Variants in NR6A1 observed in about 807,000 individuals in gnomAD.
NR6A1 encodes retinoic acid receptor-related testis-associated receptor.
A neutral mutation model predicts 59.1 loss-of-function variants in NR6A1; 7 were observed. The ratio of observed to expected loss-of-function variants is 0.12; its 90% confidence interval spans 0.07 to 0.22. The LOEUF is 0.22. Ranked by LOEUF, NR6A1 falls within the 10% of genes least tolerant of loss-of-function variation. NR6A1 has a pLI of 1.00. For missense variants in NR6A1, 468 were observed against 611.6 expected, an observed-to-expected ratio of 0.77 and a Z score of 2.48; for synonymous variants, 243 against 236.1, an observed-to-expected ratio of 1.03 and a Z score of -0.27.
intron 2 of NR6A1, among the ~76,000 whole-genome samples, chr9:124,658,300 G>A (rs944974152): frequency 1.3e-5 from 2 of 152,012 alleles, no homozygotes; most frequent in African/African-American, 4.8e-5. Context: ...CACCGATCAG[G>A]GCACAGCCCA....
At chr9:124,589,396 A>C (rs760102620) in intron 2 of NR6A1, among the ~76,000 whole-genome samples, 4 of 152,352 alleles carry the variant, frequency 2.6e-5, no homozygotes, top group Non-Finnish European at 4.4e-5. Flanking sequence ...CAGTGAGCCG[A>C]GATAGCACCA....
chr9:124,642,494 T>A (rs1836793813), intron 2 of NR6A1, among the ~76,000 whole-genome samples: 1 of 152,258 alleles, frequency 6.6e-6, no homozygotes. Context: ...TAATTTTTTT[T>A]AATGGGCAAC....
chr9:124,675,404 G>A (rs138170332), intron 2 of NR6A1, among the ~76,000 whole-genome samples: 51 of 152,302 alleles, frequency 3.3e-4, no homozygotes, highest in African/African-American at 1.2e-3. Context: ...CACACAGAAG[G>A]TGTTCAATAA....
intron 1 of NR6A1, among the ~76,000 whole-genome samples, chr9:124,767,513 GAAAAAAA>G (rs951834728): frequency 1.3e-5 from 1 of 76,458 alleles, no homozygotes; most frequent in Admixed American, 1.5e-4. Flanking sequence ...TACAAAAAAA[GAAAAAAA>G]AAAAAAAAAG....
intron 2 of NR6A1, among the ~76,000 whole-genome samples, chr9:124,685,124 G>GTTAAATTTTTCTTTCTTCTAAATC: frequency 6.6e-6 from 1 of 152,198 alleles, no homozygotes; most frequent in African/African-American, 2.4e-5. Context: ...TTCTAAATCT[G>GTTAAATTTTTCTTTCTTCTAAATC]TTTCTTCATC....
At chr9:124,750,209 G>A (rs1840455725) in intron 1 of NR6A1, among the ~76,000 whole-genome samples, 1 of 152,150 alleles carries the variant, frequency 6.6e-6, no homozygotes, top group Admixed American at 6.5e-5. Flanking sequence ...GTATCAAATA[G>A]TATTTAAGAG....
intron 2 of NR6A1, among the ~76,000 whole-genome samples, chr9:124,673,506 G>C (rs1457752261): frequency 6.6e-6 from 1 of 152,042 alleles, no homozygotes; most frequent in African/African-American, 2.4e-5. Context: ...CTCAACCTGG[G>C]TACGGTGGCA....
intron 2 of NR6A1, among the ~76,000 whole-genome samples, chr9:124,622,636 C>T (rs1274981471): frequency 6.6e-6 from 1 of 151,938 alleles, no homozygotes; most frequent in Non-Finnish European, 1.5e-5. Context: ...TGTTTTGATA[C>T]TTGATATATT....
Position 124,705,831 on chromosome 9 carries a change from A to G in NR6A1, c.142+27477T>C, listed in dbSNP as rs369551181. 1.7e-4 allele frequency among the ~76,000 whole-genome samples: 26 copies of G among 149,386 alleles called. No individual in the cohort carries two copies. The East Asian group carries it at 4.3e-3, about 25-fold the overall frequency. On this transcript the variant is annotated intron_variant, in intron 2 of 9. Coordinates refer to ENST00000487099, the MANE Select transcript of NR6A1 (RefSeq NM_033334.4). The stretch of plus-strand genomic sequence containing the variant: ...CACTCTGTTGCCCAGGCTGGAGTGC[A>G]GTGGTGTGATCTTGGCTCACTGCAA...
At chr9:124,753,679 C>T (rs1032737517) in intron 1 of NR6A1, among the ~76,000 whole-genome samples, 2 of 152,204 alleles carry the variant, frequency 1.3e-5, no homozygotes, top group African/African-American at 4.8e-5. Flanking sequence ...TCAACAACTA[C>T]TTGTTCCCTT....
intron 2 of NR6A1, among the ~76,000 whole-genome samples, chr9:124,612,613 A>T (rs974899652): frequency 6.6e-6 from 1 of 152,208 alleles, no homozygotes; most frequent in African/African-American, 2.4e-5. Flanking sequence ...TCAGTTACTT[A>T]ACTGGGTTAG....
chr9:124,564,855 A>G (rs1834190642), intron 2 of NR6A1, among the ~76,000 whole-genome samples: 1 of 152,242 alleles, frequency 6.6e-6, no homozygotes. Context: ...ACTGGCTCAA[A>G]GATAGATAAA....
intron 3 of NR6A1, among the ~76,000 whole-genome samples, chr9:124,545,732 G>A (rs1391361850): frequency 1.3e-5 from 2 of 152,168 alleles, no homozygotes; most frequent in Admixed American, 1.3e-4. Flanking sequence ...TGTCCTGGAG[G>A]TGTGAAAAGA....
At chr9:124,665,018 A>C (rs1475087672) in intron 2 of NR6A1, among the ~76,000 whole-genome samples, 8 of 150,414 alleles carry the variant, frequency 5.3e-5, no homozygotes, top group East Asian at 1.9e-4. Context: ...TCCAAAAAAA[A>C]AAAAAAAAAA....
At chr9:124,579,878 C>T (rs1588682596) in intron 2 of NR6A1, among the ~76,000 whole-genome samples, 2 of 152,076 alleles carry the variant, frequency 1.3e-5, no homozygotes, top group South Asian at 2.1e-4. Context: ...GGCATGGTGG[C>T]GCGTGCCTGT....
At chr9:124,710,294 TAA>T (rs1839238857) in intron 2 of NR6A1, among the ~76,000 whole-genome samples, 1 of 152,162 alleles carries the variant, frequency 6.6e-6, no homozygotes, top group African/African-American at 2.4e-5. Context: ...ATTTGGTTAT[TAA>T]AAGTCACAAA....
At chr9:124,579,639 CTAGAACTCTCATACATGTAGCAA>C (rs1167913164) in intron 2 of NR6A1, among the ~76,000 whole-genome samples, 1 of 152,056 alleles carries the variant, frequency 6.6e-6, no homozygotes, top group Non-Finnish European at 1.5e-5. Flanking sequence ...TGTGGAGCAA[CTAGAACTCTCATACATGTAGCAA>C]GTGAGAATAC....
At chr9:124,675,994 A>C (rs2130980255) in intron 2 of NR6A1, among the ~76,000 whole-genome samples, 1 of 152,304 alleles carries the variant, frequency 6.6e-6, no homozygotes, top group East Asian at 1.9e-4. Flanking sequence ...TAGCACATGG[A>C]ACTGCCTGAA....
rs1836086188 is a variant in NR6A1 at position 124,621,837 on chromosome 9, A to AG, written c.143-67268dup. ...CATAAGCCACACAGAAATGTTTTTG[A>AG]GGGGGCAGGGGAGGAAGGTGGTTAA... On this transcript the variant is annotated intron_variant, in intron 2 of 9. Transcript: ENST00000487099. Among the ~76,000 whole-genome samples the AG allele has an allele frequency of 3.3e-5, 5 of 152,290 alleles. No individual in the cohort carries two copies. In the South Asian group the frequency reaches 1.0e-3, roughly 32 times the overall value.
Sources: allele counts gnomAD v4.1 joint callset (sites outside exome capture counted in the v4.1 genomes callset), GRCh38; gene constraint gnomAD v4.1.1; transcripts MANE v1.5; gene names NCBI Gene and HGNC (gene_info 2026-07-23, HGNC 2026-07-21).